Variants in XCR1 observed in about 807,000 individuals in gnomAD.
XCR1 encodes chemokine XC receptor 1.
For synonymous variants in XCR1, 187 were observed against 188.5 expected (o/e 0.99, Z 0.06); for missense variants, 356 against 424.2 (o/e 0.84, Z 1.41).
intron 1 of XCR1, among the ~76,000 whole-genome samples, chr3:46,082,770 A>G (rs1698399011): frequency 6.6e-6 from 1 of 152,136 alleles, no homozygotes; most frequent in Non-Finnish European, 1.5e-5. Context: ...GATTACAGGC[A>G]TTAGCCACTG....
intron 5 of XCR1, among the ~76,000 whole-genome samples, chr3:46,047,022 T>A (rs1328451021): frequency 2.3e-5 from 3 of 131,230 alleles, no homozygotes; most frequent in African/African-American, 8.4e-5. Flanking sequence ...AGCTTTGTGC[T>A]TTTCCCCTAA....
At chr3:46,078,965 C>A (rs1036561700) in intron 1 of XCR1, among the ~76,000 whole-genome samples, 1 of 152,180 alleles carries the variant, frequency 6.6e-6, no homozygotes, top group Non-Finnish European at 1.5e-5. Flanking sequence ...ATCGCTCATA[C>A]CTTTAGCACT....
rs140649376 is a variant in XCR1, at chr3:46,063,902, C to T, written c.-183+2997G>A. Reference sequence around the variant, plus strand: ...TAATATTTTTTGAGACAGGGCCTCGCTCTGCCACCCAGGCTGGAGTGCAGA... The same window carrying T: ...TAATATTTTTTGAGACAGGGCCTCGTTCTGCCACCCAGGCTGGAGTGCAGA... On this transcript the variant is annotated intron_variant, in intron 4 of 5. Coordinates refer to the XCR1 transcript ENST00000683768. Among the ~76,000 whole-genome samples the T allele has an allele frequency of 8.1e-3, 1,241 of 152,296 alleles. 11 individuals carry two copies. The highest frequency in any genetic ancestry group is 0.014 in the Non-Finnish European group (944 of 68,014).
rs1305660839 is a variant in XCR1 at position 46,072,793 on chromosome 3, A to C, written c.-263+1858T>G. The stretch of plus-strand genomic sequence containing the variant: ...AATTCTAAAATTTGTATGCAACCAA[A>C]AAAGAGCCTGAATAGCTAAAGTATT... On this transcript the variant is annotated intron_variant, in intron 3 of 5. Coordinates refer to the XCR1 transcript ENST00000683768. Among the ~76,000 whole-genome samples the C allele has an allele frequency of 2.0e-5, 3 of 152,212 alleles. No homozygotes were observed. In the East Asian group the frequency reaches 5.8e-4, roughly 29 times the overall value.
chr3:46,075,355 C>T (rs1385648535), intron 2 of XCR1, among the ~76,000 whole-genome samples: 1 of 142,650 alleles, frequency 7.0e-6, no homozygotes, highest in African/African-American at 2.6e-5. Flanking sequence ...ACCAAGAAAC[C>T]TCAATCTAAA....
chr3:46,053,825 G>C (rs1697798519), intron 5 of XCR1, among the ~76,000 whole-genome samples: 1 of 151,980 alleles, frequency 6.6e-6, no homozygotes, highest in Non-Finnish European at 1.5e-5. Context: ...TTCTTCAACA[G>C]ACCAATTCTG....
chr3:46,044,998 A>G (rs1366097469), intron 5 of XCR1, among the ~76,000 whole-genome samples: 2 of 152,246 alleles, frequency 1.3e-5, no homozygotes, highest in African/African-American at 4.8e-5. Flanking sequence ...TCATTCTATG[A>G]GGCCAGCATT....
chr3:46,020,817 G>T lies in XCR1; in HGVS notation c.*129C>A. The T allele has an allele frequency of 1.6e-6, 2 of 1,279,278 alleles. No individual in the cohort carries two copies. Among genetic ancestry groups the T allele is most frequent in the Non-Finnish European group, 1.0e-6 (1 of 955,600 alleles). The allele number at this position is 1,279,278 out of a possible 1,614,324, so 79.2% of individuals were successfully genotyped here. ...ACTGGTGTAATGAATGACCTTCACT[G>T]CACGCCTGCAGCGGAGGAGACGTCT... On this transcript the variant is annotated 3_prime_UTR_variant, in exon 2 of 2. Transcript: ENST00000309285.
Position 46,036,231 on chromosome 3 carries a change from G to A in XCR1, c.-31-14253C>T, listed in dbSNP as rs185053517. 3.6e-3 allele frequency among the ~76,000 whole-genome samples: 546 copies of A among 152,308 alleles called. 5 individuals carry two copies. Among genetic ancestry groups the A allele is most frequent in the African/African-American group, 0.013 (530 of 41,570 alleles). On this transcript the variant is annotated intron_variant, in intron 5 of 5. Coordinates refer to the XCR1 transcript ENST00000683768. ...GTTGGGCCTGGTTAATAGGTTCCAG[G>A]TGGTTTTCTGTGGTGCTGTTTGGCC...
chr3:46,044,796 C>T (rs1190319374), intron 5 of XCR1, among the ~76,000 whole-genome samples: 3 of 152,140 alleles, frequency 2.0e-5, no homozygotes, highest in Non-Finnish European at 2.9e-5. Context: ...CCAAAACTCA[C>T]ACAAGGAGAA....
chr3:46,082,914 A>T (rs776032388), intron 1 of XCR1, among the ~76,000 whole-genome samples: 1 of 152,170 alleles, frequency 6.6e-6, no homozygotes, highest in Non-Finnish European at 1.5e-5. Flanking sequence ...TTGCTACCCT[A>T]AACCAAAAAC....
rs141228286 is a variant in XCR1, at chr3:46,047,314, G to T, written c.-32+6606C>A. Among the ~76,000 whole-genome samples, 555 of 152,302 alleles carry T rather than the reference G, an allele frequency of 3.6e-3. 3 individuals are homozygous for T. The highest frequency in any genetic ancestry group is 0.012 in the African/African-American group (511 of 41,564). ...TGCAAAGCAGGTGTGGCAGCCCAAG[G>T]CTCGGACAGATTAACAGGAATCCAT... On this transcript the variant is annotated intron_variant, in intron 5 of 5. Coordinates refer to the XCR1 transcript ENST00000683768.
Position 46,021,810 on chromosome 3 carries a change from T to C in XCR1, c.138A>G (p.Leu46=), listed in dbSNP as rs1708159776. 1 of 1,613,970 alleles carries C rather than the reference T, an allele frequency of 6.2e-7. No individual in the cohort carries two copies. Among genetic ancestry groups the C allele is most frequent in the Non-Finnish European group, 8.5e-7 (1 of 1,179,988 alleles). The part of the protein sequence containing the change: ...VLYCLVFLLS[L]VGNSLVLWVL... ...CCCACAGGACCAGGCTGTTGCCCAC[T>C]AGGCTGAGGAGAAACACCAGGCAGT... is the stretch of plus-strand genomic sequence containing the variant. The change falls in exon 2 of 2, where the codon CTA becomes CTG. Residue 46 remains leucine (L), a synonymous_variant. Coordinates refer to ENST00000309285, the MANE Select transcript of XCR1 (RefSeq NM_001024644.2). This position sits in a 1 kb window ranked among gnomAD's most constrained non-coding sequence, Gnocchi z 4.7.
At chr3:46,079,776 G>C (rs569658551) in intron 1 of XCR1, among the ~76,000 whole-genome samples, 1 of 152,296 alleles carries the variant, frequency 6.6e-6, no homozygotes, top group Non-Finnish European at 1.5e-5. Flanking sequence ...AGGGTTTGCA[G>C]AACAATCTGC....
intron 1 of XCR1, among the ~76,000 whole-genome samples, chr3:46,026,356 A>G (rs1384543955): frequency 6.6e-6 from 1 of 151,666 alleles, no homozygotes; most frequent in African/African-American, 2.4e-5. Context: ...CTCCCTCCCC[A>G]TCTCTGTGGC....
rs1370309051 is a variant in XCR1 at position 46,017,489 on chromosome 3, C to A, written c.*3457G>T. On this transcript the variant is annotated 3_prime_UTR_variant, in exon 2 of 2. Transcript: ENST00000309285. ...TGTTGACCAGAAGATGAGATGTAGGCAAGTATAGTAAGAGAAAACAGAGGT... is the reference window on the plus strand; with the variant it reads ...TGTTGACCAGAAGATGAGATGTAGGAAAGTATAGTAAGAGAAAACAGAGGT... 6.6e-6 allele frequency: 1 copy of A among 152,144 alleles called. No individual in the cohort carries two copies. The highest frequency in any genetic ancestry group is 1.9e-4 in the East Asian group (1 of 5,200). The allele number at this position is 152,144 out of a possible 1,614,324, so 9.4% of individuals were successfully genotyped here.
intron 4 of XCR1, among the ~76,000 whole-genome samples, chr3:46,057,925 TATCTATCTACGCATCC>T (rs1346084017): frequency 6.9e-6 from 1 of 144,464 alleles, no homozygotes; most frequent in Non-Finnish European, 1.5e-5. Context: ...TCTATCTATC[TATCTATCTACGCATCC>T]ATCTATCTAT....
upstream of XCR1, among the ~76,000 whole-genome samples, chr3:46,028,861 A>T (rs57437758): frequency 6.6e-6 from 1 of 151,908 alleles, no homozygotes; most frequent in Non-Finnish European, 1.5e-5. Context: ...CAAAGCTCTG[A>T]GATTATAGAC....
chr3:46,081,515 T>G (rs561957956), intron 1 of XCR1, among the ~76,000 whole-genome samples: 3 of 152,310 alleles, frequency 2.0e-5, no homozygotes, highest in African/African-American at 7.2e-5. Flanking sequence ...TGCAGAGAGC[T>G]CTGGGGAGAT....
Sources: allele counts gnomAD v4.1 joint callset (sites outside exome capture counted in the v4.1 genomes callset), GRCh38; gene constraint gnomAD v4.1.1; non-coding constraint Gnocchi (gnomAD v3.1); transcripts MANE v1.5; gene names NCBI Gene and HGNC (gene_info 2026-07-23, HGNC 2026-07-21).